Variants in GLRA2 observed in about 807,000 individuals in gnomAD.
The protein encoded by GLRA2 is glycine receptor subunit alpha-2.
A neutral mutation model predicts 31.6 loss-of-function variants in GLRA2; 11 were observed. The ratio of observed to expected loss-of-function variants is 0.35; its 90% CI spans 0.22 to 0.58. GLRA2 has a LOEUF of 0.58. Ranked by LOEUF, GLRA2 falls within the 20% of genes least tolerant of loss-of-function variation. The pLI is 0.84. For synonymous variants in GLRA2, 132 were observed against 134.0 expected (o/e 0.99, Z 0.10); for missense variants, 212 against 351.8 (o/e 0.60, Z 3.18).
At chrX:14,620,018 G>A (rs904221574) in intron 7 of GLRA2, among the ~76,000 whole-genome samples, 1 of 105,302 alleles carries the variant, frequency 9.5e-6, no homozygotes, top group African/African-American at 3.4e-5. Context: ...TTTTTTTACT[G>A]GTTATTCTTT....
chrX:14,512,263 A>G, the GLRA2 span, among the ~76,000 whole-genome samples: 2 of 111,610 alleles, frequency 1.8e-5, no homozygotes, highest in Non-Finnish European at 3.8e-5. Context: ...CATAGAAGGG[A>G]CATACCTTAA....
At chrX:14,568,364 A>C (rs1483893917) in intron 2 of GLRA2, among the ~76,000 whole-genome samples, 2 of 111,850 alleles carry the variant, frequency 1.8e-5, no homozygotes, top group African/African-American at 6.5e-5. Context: ...TGGCAAGTCC[A>C]TTTAATGAGG....
At chrX:14,494,622 G>A in the GLRA2 span, among the ~76,000 whole-genome samples, 1 of 111,410 alleles carries the variant, frequency 9.0e-6, no homozygotes, top group East Asian at 2.8e-4. Flanking sequence ...CTGAAACTGA[G>A]GTGTTTCCTA....
the GLRA2 span, among the ~76,000 whole-genome samples, chrX:14,497,218 G>A: frequency 8.9e-6 from 1 of 111,803 alleles, no homozygotes; most frequent in African/African-American, 3.2e-5. Flanking sequence ...GAAAGATGAT[G>A]TAAAGTGGTT....
intron 7 of GLRA2, among the ~76,000 whole-genome samples, chrX:14,662,918 A>C (rs919900191): frequency 4.5e-5 from 5 of 111,696 alleles, no homozygotes; most frequent in Admixed American, 1.9e-4. Flanking sequence ...TTTTCATTAT[A>C]TTTTGTATGA....
At chrX:14,719,119 C>T (rs1160540083) in intron 8 of GLRA2, among the ~76,000 whole-genome samples, 1 of 111,974 alleles carries the variant, frequency 8.9e-6, no homozygotes, top group East Asian at 2.8e-4. Context: ...ATTAAATGCA[C>T]ACCTACAGGA....
intron 4 of GLRA2, among the ~76,000 whole-genome samples, chrX:14,600,238 G>A (rs2090253219): frequency 9.0e-6 from 1 of 111,066 alleles, no homozygotes; most frequent in African/African-American, 3.3e-5. Context: ...TCTGCTTCCT[G>A]AAGAAATGTG....
At chrX:14,529,534 C>T (rs2089225770), upstream of GLRA2, 1 of 114,532 alleles carries the variant, frequency 8.7e-6, no homozygotes, top group Non-Finnish European at 1.8e-5. Flanking sequence ...GATCACGTCT[C>T]CGTCTCATTC....
At chrX:14,595,793 C>T (rs1373566528) in intron 4 of GLRA2, among the ~76,000 whole-genome samples, 2 of 111,805 alleles carry the variant, frequency 1.8e-5, no homozygotes, top group Non-Finnish European at 3.8e-5. Context: ...GTCTGATTCA[C>T]ATCATCAAAA....
intron 7 of GLRA2, among the ~76,000 whole-genome samples, chrX:14,620,002 C>T (rs866885420): frequency 6.7e-4 from 63 of 93,912 alleles, no homozygotes; most frequent in African/African-American, 2.3e-3. Flanking sequence ...GGCGCCCCCC[C>T]GTTTTTTTTT....
At chrX:14,545,161 T>C (rs1165513362) in intron 2 of GLRA2, among the ~76,000 whole-genome samples, 1 of 112,100 alleles carries the variant, frequency 8.9e-6, no homozygotes, top group Non-Finnish European at 1.9e-5. Flanking sequence ...TTAGTGCATT[T>C]TGTGTTGCTA....
intron 7 of GLRA2, among the ~76,000 whole-genome samples, chrX:14,641,077 T>C (rs755879109): frequency 9.0e-6 from 1 of 111,570 alleles, no homozygotes; most frequent in East Asian, 2.8e-4. Context: ...AGATGACGTT[T>C]AGTGGTAGCT....
chrX:14,464,642 C>T, the GLRA2 span, among the ~76,000 whole-genome samples: 26 of 111,764 alleles, frequency 2.3e-4, no homozygotes, highest in Non-Finnish European at 4.7e-4. Flanking sequence ...CTGCAACCTC[C>T]GCCTCCCAGG....
At chrX:14,486,223 C>CTCTCATTT in the GLRA2 span, among the ~76,000 whole-genome samples, 1 of 111,227 alleles carries the variant, frequency 9.0e-6, no homozygotes, top group Non-Finnish European at 1.9e-5. Context: ...GAATTTGTAT[C>CTCTCATTT]CCCATCTTAC....
chrX:14,471,810 G>A, the GLRA2 span, among the ~76,000 whole-genome samples: 2 of 111,793 alleles, frequency 1.8e-5, no homozygotes, highest in Admixed American at 9.5e-5. Context: ...CCCCAGAATC[G>A]GACAACCTGA....
the GLRA2 span, among the ~76,000 whole-genome samples, chrX:14,491,269 T>C: frequency 4.1e-4 from 46 of 111,803 alleles, no homozygotes; most frequent in Non-Finnish European, 6.2e-4. Flanking sequence ...GATCATATTT[T>C]TACCTACACT....
At chrX:14,599,832 G>T (rs754325968) in intron 4 of GLRA2, among the ~76,000 whole-genome samples, 7 of 111,548 alleles carry the variant, frequency 6.3e-5, no homozygotes, top group South Asian at 7.5e-4. Context: ...ATAAGTAGCG[G>T]GAAAAACCTA....
chrX:14,601,890 G>A (rs1206640391), intron 4 of GLRA2, among the ~76,000 whole-genome samples: 3 of 111,453 alleles, frequency 2.7e-5, no homozygotes, highest in African/African-American at 9.8e-5. Context: ...AATTCGAGGG[G>A]TCTTTGGATA....
the GLRA2 span, among the ~76,000 whole-genome samples, chrX:14,452,143 G>A: frequency 8.9e-6 from 1 of 112,024 alleles, no homozygotes; most frequent in African/African-American, 3.3e-5. Flanking sequence ...ACCTGCATAT[G>A]CAACCCTTGA....
Sources: gnomAD v4.1 joint callset for allele counts (sites outside exome capture counted in the v4.1 genomes callset) on GRCh38, gnomAD v4.1.1 for gene constraint, MANE v1.5 for transcripts, NCBI Gene and HGNC (gene_info 2026-07-23, HGNC 2026-07-21) for gene names.